Variants in TBC1D22A observed in about 807,000 individuals in gnomAD.
TBC1D22A encodes putative GTPase activator.
Under a neutral mutation model 60.2 loss-of-function variants are expected in TBC1D22A, and 38 were observed. The ratio of observed to expected loss-of-function variants is 0.63; its 90% CI spans 0.49 to 0.83. The LOEUF is 0.83. TBC1D22A is among the 40% of genes least tolerant of loss of function. TBC1D22A has a pLI of 0.00. For missense variants in TBC1D22A, 628 were observed against 701.0 expected, an observed-to-expected ratio of 0.90 and a Z score of 1.18; for synonymous variants, 302 against 281.7, an observed-to-expected ratio of 1.07 and a Z score of -0.72.
intron 11 of TBC1D22A, among the ~76,000 whole-genome samples, chr22:47,047,179 T>G (rs129343): frequency 6.6e-6 from 1 of 152,022 alleles, no homozygotes; most frequent in African/African-American, 2.4e-5. Context: ...CCTTCCCTGC[T>G]TGCATGTAGC....
intron 4 of TBC1D22A, among the ~76,000 whole-genome samples, chr22:46,856,200 G>A (rs534703775): frequency 3.9e-5 from 6 of 152,344 alleles, no homozygotes; most frequent in African/African-American, 1.4e-4. Context: ...TGTGGATGTG[G>A]TGAAAAGCTG....
At chr22:46,822,977 A>G (rs2085892812) in intron 4 of TBC1D22A, among the ~76,000 whole-genome samples, 1 of 152,170 alleles carries the variant, frequency 6.6e-6, no homozygotes, top group Admixed American at 6.5e-5. Context: ...GTTGAAAACC[A>G]CTATCCTAGG....
chr22:47,031,329 G>A (rs892435543), intron 10 of TBC1D22A, among the ~76,000 whole-genome samples: 14 of 152,228 alleles, frequency 9.2e-5, no homozygotes, highest in African/African-American at 2.9e-4. Context: ...CTGAGCCCCC[G>A]GCGGGCAGAA....
At chr22:46,857,348 A>T (rs2087620927) in intron 4 of TBC1D22A, among the ~76,000 whole-genome samples, 1 of 152,152 alleles carries the variant, frequency 6.6e-6, no homozygotes. Flanking sequence ...CTCAGCCCTG[A>T]CCCAAAAGCT....
At chr22:46,832,026 G>A (rs377504924) in intron 4 of TBC1D22A, among the ~76,000 whole-genome samples, 1 of 152,212 alleles carries the variant, frequency 6.6e-6, no homozygotes, top group African/African-American at 2.4e-5. Flanking sequence ...AGGATTTTAG[G>A]GAGGCAAGTC....
intron 10 of TBC1D22A, among the ~76,000 whole-genome samples, chr22:47,036,465 C>T (rs992574072): frequency 2.0e-5 from 3 of 152,172 alleles, no homozygotes; most frequent in African/African-American, 2.4e-5. Flanking sequence ...CTGGTGTGAG[C>T]GTGTGCTTCT....
At chr22:47,150,001 A>G (rs1013506309) in intron 12 of TBC1D22A, among the ~76,000 whole-genome samples, 1 of 152,038 alleles carries the variant, frequency 6.6e-6, no homozygotes, top group African/African-American at 2.4e-5. Context: ...CCTCAGGGGC[A>G]GCGGGGCTGG....
intron 4 of TBC1D22A, among the ~76,000 whole-genome samples, chr22:46,866,785 A>G (rs904218926): frequency 2.0e-5 from 3 of 152,220 alleles, no homozygotes; most frequent in Non-Finnish European, 4.4e-5. Flanking sequence ...CTAGGACAGA[A>G]TCACTGTGCT....
At chr22:46,926,259 G>C (rs964550830) in intron 8 of TBC1D22A, among the ~76,000 whole-genome samples, 9 of 152,028 alleles carry the variant, frequency 5.9e-5, no homozygotes, top group African/African-American at 2.2e-4. Context: ...AGAAAAAGAA[G>C]GGTAAAATAA....
chr22:47,132,091 A>G (rs937695226), intron 12 of TBC1D22A, among the ~76,000 whole-genome samples: 1 of 152,132 alleles, frequency 6.6e-6, no homozygotes, highest in African/African-American at 2.4e-5. Flanking sequence ...TACATCCTTG[A>G]GGGCCATGAT....
At chr22:47,053,026 A>G (rs567322982) in intron 11 of TBC1D22A, among the ~76,000 whole-genome samples, 1 of 152,132 alleles carries the variant, frequency 6.6e-6, no homozygotes, top group Non-Finnish European at 1.5e-5. Flanking sequence ...CTGTGTGGTC[A>G]TTGTCATGTC....
intron 8 of TBC1D22A, among the ~76,000 whole-genome samples, chr22:46,935,716 A>G (rs1272440451): frequency 6.6e-6 from 1 of 151,876 alleles, no homozygotes; most frequent in Non-Finnish European, 1.5e-5. Flanking sequence ...CTTCTATCCC[A>G]TTCTCTTCCT....
chr22:46,913,140 G>T (rs2070076946), intron 8 of TBC1D22A, among the ~76,000 whole-genome samples: 1 of 152,134 alleles, frequency 6.6e-6, no homozygotes, highest in African/African-American at 2.4e-5. Context: ...AATCTGTTTT[G>T]AATATGTTTT....
At chr22:47,066,244 C>A (rs1264209470) in intron 11 of TBC1D22A, among the ~76,000 whole-genome samples, 1 of 152,204 alleles carries the variant, frequency 6.6e-6, no homozygotes, top group Non-Finnish European at 1.5e-5. Context: ...AAAATTCACA[C>A]AAACAATGGC....
intron 11 of TBC1D22A, among the ~76,000 whole-genome samples, chr22:47,091,461 G>A (rs113237510): frequency 8.6e-6 from 1 of 116,464 alleles, no homozygotes; most frequent in African/African-American, 3.3e-5. Context: ...AGACAGGCAC[G>A]AGAAGTCGTC....
At chr22:47,155,806 T>G (rs1447880289) in intron 12 of TBC1D22A, among the ~76,000 whole-genome samples, 1 of 151,720 alleles carries the variant, frequency 6.6e-6, no homozygotes, top group Admixed American at 6.5e-5. Flanking sequence ...AGCCTGACCT[T>G]TCTGTGCGGA....
intron 8 of TBC1D22A, among the ~76,000 whole-genome samples, chr22:46,968,902 A>G (rs2073937758): frequency 6.6e-6 from 1 of 152,040 alleles, no homozygotes; most frequent in Non-Finnish European, 1.5e-5. Flanking sequence ...TTGTTTACCT[A>G]CCCACCATTC....
chr22:46,800,509 G>C (rs1220398156), intron 4 of TBC1D22A, among the ~76,000 whole-genome samples: 1 of 152,216 alleles, frequency 6.6e-6, no homozygotes, highest in Non-Finnish European at 1.5e-5. Flanking sequence ...GCACCTGGGA[G>C]AGTGGGTCCT....
At chr22:46,856,967 C>T (rs2087602683) in intron 4 of TBC1D22A, among the ~76,000 whole-genome samples, 1 of 152,250 alleles carries the variant, frequency 6.6e-6, no homozygotes, top group South Asian at 2.1e-4. Flanking sequence ...CATCTCTCCC[C>T]ATGAGGTCTA....
Sources: allele counts gnomAD v4.1 joint callset (sites outside exome capture counted in the v4.1 genomes callset), GRCh38; gene constraint gnomAD v4.1.1; transcripts MANE v1.5; gene names NCBI Gene and HGNC (gene_info 2026-07-23, HGNC 2026-07-21).